DNAAF9: variants seen among roughly 807,000 people sequenced by gnomAD.
DNAAF9 encodes the protein shulin.
A neutral mutation model predicts 167.0 loss-of-function variants in DNAAF9; 90 were observed. The ratio of observed to expected loss-of-function variants is 0.54; its 90% CI spans 0.45 to 0.64. DNAAF9 has a LOEUF of 0.64. Ranked by LOEUF, DNAAF9 falls within the 30% of genes least tolerant of loss-of-function variation. The pLI, the probability that DNAAF9 is intolerant of heterozygous loss-of-function variation, is 0.00. For missense variants in DNAAF9, 1,315 were observed against 1,442.2 expected (o/e 0.91, Z 1.43); for synonymous variants, 491 against 508.8 (o/e 0.96, Z 0.47).
At chr20:3,262,744 G>A (rs1467947362) in intron 31 of DNAAF9, among the ~76,000 whole-genome samples, 1 of 152,130 alleles carries the variant, frequency 6.6e-6, no homozygotes, top group Non-Finnish European at 1.5e-5. Context: ...GTCAGTGGCT[G>A]TAGCCACTGG....
At chr20:3,370,216 T>C (rs2123209451) in intron 6 of DNAAF9, among the ~76,000 whole-genome samples, 1 of 152,276 alleles carries the variant, frequency 6.6e-6, no homozygotes, top group East Asian at 1.9e-4. Context: ...ATGAAATCTC[T>C]TGGTTTTGTC....
rs1238541653 is a variant in DNAAF9 at position 3,315,863 on chromosome 20, A to G, written c.1540-78T>C. The G allele has an allele frequency of 1.9e-6, 2 of 1,077,262 alleles. No individual in the cohort carries two copies. The highest frequency in any genetic ancestry group is 1.6e-5 in the African/African-American group (1 of 64,460). 66.7% of individuals were successfully genotyped at this position (1,077,262 alleles called of 1,614,324 possible). A position where few individuals can be genotyped will look rare whatever the true frequency, so the allele number is the denominator to read the frequency against. ...TGCTAGGTCTCCCCACTGTGTTCAA[A>G]TATTTCCAGGACACTGGCTGGACAG... is the stretch of plus-strand genomic sequence containing the variant. On this transcript the variant is annotated intron_variant, in intron 18 of 36. Transcript: ENST00000252032. The surrounding 1 kb of genome is among the most constrained non-coding windows in gnomAD (Gnocchi z 4.1).
intron 1 of DNAAF9, among the ~76,000 whole-genome samples, chr20:3,401,354 C>T (rs183611063): frequency 6.6e-5 from 10 of 152,088 alleles, no homozygotes; most frequent in Admixed American, 2.0e-4. Context: ...TACAGGCACC[C>T]GTCACTAGGC....
At position 3,304,505 on chromosome 20, in the gene DNAAF9, G is replaced by A; in HGVS notation, c.1717C>T (p.His573Tyr). The change falls in exon 21 of 37, where the codon CAC becomes TAC. Residue 573 changes from histidine to tyrosine, a missense_variant. His to Tyr is a moderately conservative substitution (Grantham distance 83). This residue lies in a region of DNAAF9 where 981 missense variants were observed against 1,012.5 expected (regional missense o/e 0.97). Coordinates refer to ENST00000252032, the MANE Select transcript of DNAAF9 (RefSeq NM_001009984.3). ...ATGATGATACTTCTATGACGACAGTGAGAAAACAGAAGGCCACTAGAGAAG... is the reference window on the plus strand; with the variant it reads ...ATGATGATACTTCTATGACGACAGTAAGAAAACAGAAGGCCACTAGAGAAG... Reference protein sequence around the residue: ...HFFSSGLLFSHCRHRSIIISK... With the variant: ...HFFSSGLLFSYCRHRSIIISK... 6.6e-7 allele frequency: 1 copy of A among 1,520,440 alleles called. No homozygotes were observed. Among genetic ancestry groups the A allele is most frequent in the Non-Finnish European group, 9.1e-7 (1 of 1,094,834 alleles). The allele number at this position is 1,520,440 out of a possible 1,614,324, so 94.2% of individuals were successfully genotyped here.
Position 3,298,151 on chromosome 20 carries a change from G to A in DNAAF9, c.1807C>T (p.Leu603Phe), listed in dbSNP as rs2069116351. 3.1e-6 allele frequency: 5 copies of A among 1,613,898 alleles called. No homozygotes were observed. The highest frequency in any genetic ancestry group is 4.2e-6 in the Non-Finnish European group (5 of 1,179,838). The change falls in exon 22 of 37, where the codon CTT (leucine) becomes TTT (phenylalanine). Residue 603 changes from leucine (L) to phenylalanine (F), a missense_variant. Around this residue, in one of 2 missense-constraint regions of DNAAF9, gnomAD observed 981 missense variants for 1,012.5 expected, o/e 0.97. Transcript: ENST00000252032. ...DGDSTSTVAA[L>F]LIDFKSSLLP... ...AATGAGCTTTTGAAGTCTATGAGAA[G>A]AGCAGCAACAGTACTGGTGGAATCC...
chr20:3,290,009 G>T, intron 26 of DNAAF9, 120 bp downstream of exon 26: 1 of 698,602 alleles, frequency 1.4e-6, no homozygotes, highest in Admixed American at 2.1e-5. Context: ...TAAATGAATG[G>T]CTGACTACCA....
chr20:3,292,173 T>C (rs780650445), intron 25 of DNAAF9, among the ~76,000 whole-genome samples: 2 of 152,100 alleles, frequency 1.3e-5, no homozygotes, highest in Non-Finnish European at 2.9e-5. Context: ...CTAATTTTTG[T>C]ATTTTTAGTA....
intron 7 of DNAAF9, among the ~76,000 whole-genome samples, chr20:3,355,382 C>T (rs1160472459): frequency 6.6e-6 from 1 of 152,114 alleles, no homozygotes; most frequent in Admixed American, 6.6e-5. Context: ...TGAGACCAGC[C>T]TGGTCAACAT....
At chr20:3,393,401 ACTCAGGAG>A (rs2083854942) in intron 1 of DNAAF9, among the ~76,000 whole-genome samples, 2 of 152,052 alleles carry the variant, frequency 1.3e-5, no homozygotes, top group Middle Eastern at 3.4e-3. Context: ...GGTCCCAGCT[ACTCAGGAG>A]GCTGAGGTGT....
chr20:3,257,353 A>G (rs938013764), intron 33 of DNAAF9, among the ~76,000 whole-genome samples: 1 of 151,784 alleles, frequency 6.6e-6, no homozygotes, highest in Admixed American at 6.6e-5. Context: ...TCCACAAAAA[A>G]GAAAAAAAAT....
chr20:3,340,773 G>A lies in DNAAF9; in HGVS notation c.846-134C>T, dbSNP rs979616289. The A allele has an allele frequency of 2.3e-4, 168 of 733,538 alleles. 1 individual carries two copies. In the Admixed American group the frequency reaches 3.4e-3, roughly 15 times the overall value. The allele number at this position is 733,538 out of a possible 1,614,324, so 45.4% of individuals were successfully genotyped here. ...AGCAAAGTGGTCAGTCAGTACAGTC[G>A]ACCGAATATCCTTGGCTGGTTGGAA... On this transcript the variant is annotated intron_variant, in intron 9 of 36. Coordinates refer to ENST00000252032, the MANE Select transcript of DNAAF9 (RefSeq NM_001009984.3).
intron 10 of DNAAF9, among the ~76,000 whole-genome samples, chr20:3,337,968 T>C (rs1223575022): frequency 1.6e-5 from 2 of 125,346 alleles, no homozygotes; most frequent in South Asian, 2.7e-4. Context: ...GATATATATA[T>C]ATAATATATA....
chr20:3,356,888 T>A (rs1384335932), intron 7 of DNAAF9, among the ~76,000 whole-genome samples: 1 of 151,700 alleles, frequency 6.6e-6, no homozygotes, highest in Non-Finnish European at 1.5e-5. Context: ...CACTGTCAAC[T>A]ATAACAAGGG....
intron 6 of DNAAF9, among the ~76,000 whole-genome samples, chr20:3,362,663 T>C (rs1045322960): frequency 6.6e-6 from 1 of 152,186 alleles, no homozygotes; most frequent in African/African-American, 2.4e-5. Flanking sequence ...CCGCCCCCGC[T>C]GCTCCAAATG....
In DNAAF9 at chr20:3,287,749, A is replaced by G; in HGVS notation, c.2369T>C (p.Phe790Ser). The G allele has an allele frequency of 6.2e-7, 1 of 1,614,238 alleles. No individual in the cohort carries two copies. Among genetic ancestry groups the G allele is most frequent in the East Asian group, 2.2e-5 (1 of 44,882 alleles). Residue 790 changes from phenylalanine to serine, a missense_variant, in exon 27 of 37, where the codon TTT becomes TCT. Physicochemically the swap from Phe to Ser is radical, Grantham distance 155 (BLOSUM62 -2). Around this residue, in one of 2 missense-constraint regions of DNAAF9, gnomAD observed 981 missense variants for 1,012.5 expected, o/e 0.97. Coordinates refer to ENST00000252032, the MANE Select transcript of DNAAF9 (RefSeq NM_001009984.3). ...YRQIMDSSEC[F>S]HAAHFQRYLS... ...GTATCTCTGGAAGTGTGCAGCATGA[A>G]AACATTCAGAGCTGTCCATGATTTG...
In DNAAF9 at chr20:3,374,320, A is replaced by C. The variant is rs114375938; in HGVS notation, c.506-166T>G. Reference sequence around the variant, plus strand: ...AAAATGGTTAGATATTGAAACTAGAAATACAAAATGAAAGTCAAGGAAAAT... The same window carrying C: ...AAAATGGTTAGATATTGAAACTAGACATACAAAATGAAAGTCAAGGAAAAT... On this transcript the variant is annotated intron_variant, in intron 5 of 36. Transcript: ENST00000252032. 9.0e-3 allele frequency among the ~76,000 whole-genome samples: 1,374 copies of C among 152,378 alleles called. 20 individuals are homozygous for C. The highest frequency in any genetic ancestry group is 0.032 in the African/African-American group (1,319 of 41,590).
chr20:3,334,068 G>C (rs57373308), intron 10 of DNAAF9, among the ~76,000 whole-genome samples: 37,723 of 152,106 alleles, frequency 0.25, 5,276 homozygotes, highest in African/African-American at 0.37. Flanking sequence ...GATGTCTGGT[G>C]TAAAGGTACC....
intron 7 of DNAAF9, among the ~76,000 whole-genome samples, chr20:3,354,689 A>T (rs1600845331): frequency 1.3e-5 from 2 of 152,076 alleles, no homozygotes; most frequent in Admixed American, 1.3e-4. Context: ...ACCACACATG[A>T]CTCCTCTAAG....
intron 9 of DNAAF9, among the ~76,000 whole-genome samples, chr20:3,342,492 T>A (rs2070106683): frequency 6.6e-6 from 1 of 152,216 alleles, no homozygotes; most frequent in Non-Finnish European, 1.5e-5. Context: ...TTGATTGGTA[T>A]GTCGTAGTTC....
Sources: gnomAD v4.1 joint callset for allele counts (sites outside exome capture counted in the v4.1 genomes callset) on GRCh38, gnomAD v4.1.1 for gene constraint, gnomAD v4.1.1 regional missense constraint, Gnocchi (gnomAD v3.1) non-coding constraint, MANE v1.5 for transcripts, NCBI Gene and HGNC (gene_info 2026-07-23, HGNC 2026-07-21) for gene names.